SNX5: variants seen among roughly 807,000 people sequenced by gnomAD.
SNX5 encodes sorting nexin 5.
SNX5 carries 31 observed loss-of-function variants against 53.9 expected under a neutral mutation model. The ratio of observed to expected loss-of-function variants is 0.58; its 90% CI spans 0.43 to 0.78. The LOEUF (loss-of-function observed/expected upper bound fraction) is 0.78, where lower values mean the gene tolerates loss of function less well. Ranked by LOEUF, SNX5 falls within the 30% of genes least tolerant of loss-of-function variation. The probability of loss-of-function intolerance (pLI) is 0.00; values close to 1 mark genes in which losing one functional copy is unlikely to be tolerated. For synonymous variants in SNX5, 168 were observed against 171.1 expected (o/e 0.98, Z 0.14); for missense variants, 471 against 478.8 (o/e 0.98, Z 0.15).
intron 5 of SNX5, 100 bp downstream of exon 5, chr20:17,952,487 G>C (rs2039584300): frequency 2.2e-5 from 27 of 1,202,366 alleles, no homozygotes; most frequent in Non-Finnish European, 2.9e-5. Flanking sequence ...TTTCCATTGT[G>C]TAAGAAATTC....
intron 2 of SNX5, among the ~76,000 whole-genome samples, chr20:17,956,686 AAAAAAAAAAAAAAAAAAAC>A (rs1349102149): frequency 1.3e-4 from 10 of 79,966 alleles, no homozygotes; most frequent in Non-Finnish European, 2.0e-4. Context: ...AAAAAAAAAA[AAAAAAAAAAAAAAAAAAAC>A]AAAAAAACAA....
rs771873224 is a variant in SNX5, at chr20:17,950,394, C to T, written c.612G>A (p.Glu204=). Residue 204 remains glutamate (E), a splice_region_variant and synonymous_variant, in exon 7 of 13, where the codon GAG becomes GAA. Transcript: ENST00000377759. The part of the protein sequence containing the change: ...ADEVLFTGVK[E]VDDFFEQEKN... ...TCTCTTGCTCAAAGAAGTCATCTAC[C>T]TCCTAGAAGGAAGAAAAAAAGAACC... is the stretch of plus-strand genomic sequence containing the variant. The T allele has an allele frequency of 3.8e-6, 6 of 1,577,202 alleles. No homozygotes were observed. Among genetic ancestry groups the T allele is most frequent in the East Asian group, 4.5e-5 (2 of 44,692 alleles).
chr20:17,961,858 T>A (rs2035457244), intron 1 of SNX5: 19 of 985,446 alleles, frequency 1.9e-5, no homozygotes, highest in Non-Finnish European at 2.3e-5. Flanking sequence ...GCCTCCTTGA[T>A]CAGATTTTCA....
chr20:17,960,323 C>T (rs1178990685), intron 1 of SNX5, among the ~76,000 whole-genome samples: 1 of 151,546 alleles, frequency 6.6e-6, no homozygotes, highest in South Asian at 2.1e-4. Flanking sequence ...TGGCCAGGCA[C>T]GGTGGCTCAC....
chr20:17,968,518 G>T lies in SNX5; in HGVS notation c.-93C>A, dbSNP rs544225493. The T allele has an allele frequency of 1.3e-5, 15 of 1,180,458 alleles. No homozygotes were observed. The African/African-American group carries it at 2.4e-4, about 19-fold the overall frequency. 73.1% of individuals were successfully genotyped at this position (1,180,458 alleles called of 1,614,324 possible). ...CGCCGCCTGGGCGCCTCTCGGGGGC[G>T]GCCACGGCCCCGCCTCCGCCGGCCT... On this transcript the variant is annotated 5_prime_UTR_variant, in exon 1 of 13. Transcript: ENST00000377759.
chr20:17,948,197 TAACTGATGGGTGA>T (rs1464880804), intron 10 of SNX5, among the ~76,000 whole-genome samples: 1 of 152,220 alleles, frequency 6.6e-6, no homozygotes, highest in Non-Finnish European at 1.5e-5. Context: ...GGTGAAATAA[TAACTGATGGGTGA>T]AACTACTAGG....
intron 1 of SNX5, chr20:17,962,699 G>A (rs745991178): frequency 1.9e-6 from 1 of 517,650 alleles, no homozygotes; most frequent in Non-Finnish European, 3.9e-6. Context: ...AAAACTAAAG[G>A]GCTGCAGCAA....
At chr20:17,967,512 G>GT (rs1307411137) in intron 1 of SNX5, among the ~76,000 whole-genome samples, 2 of 152,182 alleles carry the variant, frequency 1.3e-5, no homozygotes, top group Admixed American at 6.5e-5. Context: ...CAAGAAATGT[G>GT]TAAGTTAAGA....
chr20:17,950,305 G>C lies in SNX5; in HGVS notation c.701C>G (p.Thr234Ser), dbSNP rs760983459. Residue 234 changes from threonine to serine, a missense_variant, in exon 7 of 13, where the codon ACC becomes AGC. Thr to Ser is a moderately conservative substitution (Grantham distance 58). Coordinates refer to ENST00000377759, the MANE Select transcript of SNX5 (RefSeq NM_014426.4). ...KDSCVKADKMTRSHKNVADDY... is the reference protein window; with the variant it reads ...KDSCVKADKMSRSHKNVADDY... The stretch of plus-strand genomic sequence containing the variant: ...ATGATATTTACTTTTATGAGATCTG[G>C]TCATTTTGTCAGCTTTCACACAAGA... The C allele has an allele frequency of 1.2e-6, 2 of 1,611,766 alleles. No individual in the cohort carries two copies. Among genetic ancestry groups the C allele is most frequent in the Non-Finnish European group, 8.5e-7 (1 of 1,177,938 alleles).
In SNX5 at chr20:17,952,818, G is replaced by A. The variant is rs1470932520; in HGVS notation, c.390-108C>T. ...TGCTCATGCCACCACATAAAACACT[G>A]CAACTGGACCAAACAGTATTTCAGT... On this transcript the variant is annotated intron_variant, in intron 4 of 12. Transcript: ENST00000377759. The A allele has an allele frequency of 9.3e-6, 12 of 1,292,000 alleles. No individual in the cohort carries two copies. The East Asian group carries it at 2.7e-4, about 29-fold the overall frequency. The allele number at this position is 1,292,000 out of a possible 1,614,324, so 80.0% of individuals were successfully genotyped here. A position where few individuals can be genotyped will look rare whatever the true frequency, so the allele number is the denominator to read the frequency against.
At chr20:17,963,893 T>C (rs984504473) in intron 1 of SNX5, among the ~76,000 whole-genome samples, 3 of 115,746 alleles carry the variant, frequency 2.6e-5, no homozygotes, top group African/African-American at 7.3e-5. Context: ...CGCTTTTTGG[T>C]TGGACATTTC....
At chr20:17,963,129 A>T (rs537546887) in intron 1 of SNX5, among the ~76,000 whole-genome samples, 47 of 152,240 alleles carry the variant, frequency 3.1e-4, no homozygotes, top group Non-Finnish European at 5.0e-4. Context: ...CTGGCAGATA[A>T]ATCCTACTGG....
chr20:17,946,352 C>G (rs1301291924), intron 11 of SNX5, among the ~76,000 whole-genome samples: 1 of 152,190 alleles, frequency 6.6e-6, no homozygotes, highest in Non-Finnish European at 1.5e-5. Flanking sequence ...AACCCTGGCT[C>G]CTTGAAAAAA....
At position 17,955,424 on chromosome 20, in the gene SNX5, C is replaced by G. The variant is rs1157675881; in HGVS notation, c.208G>C (p.Glu70Gln). 1 of 1,614,048 alleles carries G rather than the reference C, an allele frequency of 6.2e-7. No homozygotes were observed. The highest frequency in any genetic ancestry group is 1.3e-5 in the African/African-American group (1 of 74,928). The change falls in exon 3 of 13, where the codon GAA becomes CAA. Residue 70 changes from glutamate to glutamine, a missense_variant. Physicochemically the swap from Glu to Gln is conservative, Grantham distance 29 (BLOSUM62 2). Coordinates refer to ENST00000377759, the MANE Select transcript of SNX5 (RefSeq NM_014426.4). Reference sequence around the variant, plus strand: ...GTGTCATGTAGCCACACAAAGTCTTCATGTTGCCTTGTAACAGAAAACTCT... The same window carrying G: ...GTGTCATGTAGCCACACAAAGTCTTGATGTTGCCTTGTAACAGAAAACTCT... ...SPEFSVTRQH[E>Q]DFVWLHDTLI...
intron 11 of SNX5, 56 bp downstream of exon 11, chr20:17,947,430 C>T: frequency 1.3e-6 from 2 of 1,570,480 alleles, no homozygotes; most frequent in Non-Finnish European, 1.7e-6. Context: ...TAGAACTTTT[C>T]TAAGTTTGAA....
At chr20:17,945,950 G>C (rs539033884) in intron 11 of SNX5, among the ~76,000 whole-genome samples, 10 of 152,078 alleles carry the variant, frequency 6.6e-5, no homozygotes, top group Non-Finnish European at 1.3e-4. Context: ...CGCGTTAGGG[G>C]GTTGGGATTG....
chr20:17,948,298 T>C (rs947032291), intron 10 of SNX5, among the ~76,000 whole-genome samples: 1 of 152,224 alleles, frequency 6.6e-6, no homozygotes, highest in Admixed American at 6.5e-5. Flanking sequence ...ATTAAAAAAG[T>C]ATGTTTTTAA....
chr20:17,965,157 G>A (rs758454099), intron 1 of SNX5, among the ~76,000 whole-genome samples: 1 of 152,122 alleles, frequency 6.6e-6, no homozygotes. Context: ...CATTTTAGAA[G>A]GAAGTCCGTT....
chr20:17,967,844 C>T (rs575261177), intron 1 of SNX5: 3 of 389,812 alleles, frequency 7.7e-6, no homozygotes, highest in African/African-American at 2.1e-5. Flanking sequence ...CTAAAAATTA[C>T]ACAACTCCCA....
Sources: allele counts gnomAD v4.1 joint callset (sites outside exome capture counted in the v4.1 genomes callset), GRCh38; gene constraint gnomAD v4.1.1; transcripts MANE v1.5; gene names NCBI Gene and HGNC (gene_info 2026-07-23, HGNC 2026-07-21).